The following FAM114A1 variants were observed in gnomAD, a reference collection of about 807,000 sequenced individuals.
FAM114A1 encodes family with sequence similarity 114 member A1.
FAM114A1 carries 62 observed loss-of-function variants against 64.3 expected under a neutral mutation model. The ratio of observed to expected loss-of-function variants is 0.96; its 90% CI spans 0.79 to 1.19. The LOEUF is 1.19. Among genes scored for constraint, FAM114A1 ranks in the 50% most tolerant of loss-of-function variants. The pLI is 0.00. For synonymous variants in FAM114A1, 254 were observed against 251.1 expected, an observed-to-expected ratio of 1.01 and a Z score of -0.11; for missense variants, 645 against 676.3, an observed-to-expected ratio of 0.95 and a Z score of 0.51.
chr4:38,906,585 C>A (rs193026652), intron 6 of FAM114A1, among the ~76,000 whole-genome samples: 1 of 152,158 alleles, frequency 6.6e-6, no homozygotes, highest in Non-Finnish European at 1.5e-5. Context: ...CCTAGGCTGG[C>A]GTGCAGTGGT....
chr4:38,932,202 A>G (rs1182950949), intron 11 of FAM114A1, 33 bp from the exon 12 acceptor site: 1 of 1,568,510 alleles, frequency 6.4e-7, no homozygotes, highest in South Asian at 1.2e-5. Flanking sequence ...TCTGCTCAGT[A>G]AAAAATTTCT....
At chr4:38,871,327 A>G (rs1039655150) in intron 2 of FAM114A1, among the ~76,000 whole-genome samples, 3 of 151,940 alleles carry the variant, frequency 2.0e-5, no homozygotes, top group Admixed American at 6.6e-5. Flanking sequence ...CCTGGCCTCA[A>G]GTGATCTGTC....
At chr4:38,939,398 G>A (rs1322078686) in intron 13 of FAM114A1, among the ~76,000 whole-genome samples, 1 of 152,184 alleles carries the variant, frequency 6.6e-6, no homozygotes, top group African/African-American at 2.4e-5. Context: ...GTTAATGAGT[G>A]TGTATTGCTC....
chr4:38,890,328 G>A (rs867491059), intron 3 of FAM114A1, among the ~76,000 whole-genome samples: 34 of 151,860 alleles, frequency 2.2e-4, no homozygotes, highest in South Asian at 4.2e-4. Flanking sequence ...GCGTGAACCC[G>A]GGAGGTGGAG....
intron 9 of FAM114A1, among the ~76,000 whole-genome samples, chr4:38,926,541 G>A (rs533164974): frequency 3.3e-4 from 49 of 149,782 alleles, no homozygotes; most frequent in East Asian, 6.0e-4. Context: ...TTCAACCTCC[G>A]CCCTCCCGGG....
chr4:38,941,590 C>T (rs879788137), intron 14 of FAM114A1, among the ~76,000 whole-genome samples: 1 of 152,196 alleles, frequency 6.6e-6, no homozygotes, highest in Non-Finnish European at 1.5e-5. Flanking sequence ...ACTGCTGTGT[C>T]TTTGCCAGAA....
intron 12 of FAM114A1, among the ~76,000 whole-genome samples, chr4:38,934,635 C>A (rs1342538879): frequency 6.6e-6 from 1 of 152,134 alleles, no homozygotes. Flanking sequence ...ACTAGGTAAT[C>A]AGATTGTTTT....
chr4:38,935,839 T>C (rs368998157), intron 13 of FAM114A1, 49 bp downstream of exon 13: 4 of 1,343,856 alleles, frequency 3.0e-6, no homozygotes, highest in Non-Finnish European at 4.2e-6. Flanking sequence ...GGGAAGTATG[T>C]CTGTGAGGAA....
At position 38,909,508 on chromosome 4, in the gene FAM114A1, T is replaced by G. The variant is rs370555784; in HGVS notation, c.792+782T>G. ...TAAAACAAAGAATTCAATCTGTCTT[T>G]GCTTACTTACAATAGTTAAGAAAAT... On this transcript the variant is annotated intron_variant, in intron 7 of 14. Transcript: ENST00000358869. 1.6e-4 allele frequency among the ~76,000 whole-genome samples: 25 copies of G among 152,336 alleles called. No homozygotes were observed. In the East Asian group the frequency reaches 4.8e-3, roughly 29 times the overall value.
rs556111717 is a variant in FAM114A1, at chr4:38,921,517, C to A, written c.946-1253C>A. On this transcript the variant is annotated intron_variant, in intron 8 of 14. Coordinates refer to ENST00000358869, the MANE Select transcript of FAM114A1 (RefSeq NM_138389.4). ...GCTCAAGTGATCCTCCCGCCTCAGC[C>A]TCCCAAAATGCTGGGATTACAGGGG... Among the ~76,000 whole-genome samples, 6 of 152,340 alleles carry A rather than the reference C, an allele frequency of 3.9e-5. No homozygotes were observed. The East Asian group carries it at 1.2e-3, about 29-fold the overall frequency.
Position 38,891,756 on chromosome 4 carries a change from C to T in FAM114A1, c.362C>T (p.Pro121Leu). The T allele has an allele frequency of 6.2e-7, 1 of 1,609,566 alleles. No homozygotes were observed. The highest frequency in any genetic ancestry group is 8.5e-7 in the Non-Finnish European group (1 of 1,178,054). The change falls in exon 4 of 15, where the codon CCT (proline) becomes CTT (leucine). Residue 121 changes from proline to leucine, a missense_variant. Coordinates refer to ENST00000358869, the MANE Select transcript of FAM114A1 (RefSeq NM_138389.4). ...QEQNYLAVDSPPSGGGWAGWG... is the reference protein window; with the variant it reads ...QEQNYLAVDSLPSGGGWAGWG... The stretch of plus-strand genomic sequence containing the variant: ...GTTTTTCTCCAGGCTGTGGATTCCC[C>T]TCCAAGTGGAGGAGGATGGGCAGGC...
chr4:38,934,148 G>T (rs545036192), intron 12 of FAM114A1, among the ~76,000 whole-genome samples: 1 of 152,262 alleles, frequency 6.6e-6, no homozygotes, highest in Admixed American at 6.5e-5. Context: ...CTAGGTACTG[G>T]TTTATCTTTG....
At chr4:38,870,206 C>T (rs1389336435) in intron 2 of FAM114A1, among the ~76,000 whole-genome samples, 1 of 152,200 alleles carries the variant, frequency 6.6e-6, no homozygotes, top group African/African-American at 2.4e-5. Context: ...CATGTCCTGG[C>T]CTCTCAGACA....
At chr4:38,910,850 T>C (rs1262407783) in intron 7 of FAM114A1, among the ~76,000 whole-genome samples, 1 of 152,078 alleles carries the variant, frequency 6.6e-6, no homozygotes, top group Non-Finnish European at 1.5e-5. Flanking sequence ...GAGGAGGACA[T>C]CAGAGTGGTG....
In FAM114A1 at chr4:38,944,569, G is replaced by T. The variant is rs953940025; in HGVS notation, c.*1012G>T. ...TAGGAACCAGGCCACACAGCAGGGG[G>T]TGAGCGGTGGGTGAGTGAGCACAGC... On this transcript the variant is annotated 3_prime_UTR_variant, in exon 15 of 15. Transcript: ENST00000358869. The T allele has an allele frequency of 2.6e-5, 4 of 152,416 alleles. No individual in the cohort carries two copies. The highest frequency in any genetic ancestry group is 7.2e-5 in the African/African-American group (3 of 41,560). The allele number at this position is 152,416 out of a possible 1,614,324, so 9.4% of individuals were successfully genotyped here. A position where few individuals can be genotyped will look rare whatever the true frequency, so the allele number is the denominator to read the frequency against.
chr4:38,908,657 C>T lies in FAM114A1; in HGVS notation c.723C>T (p.Val241=). Residue 241 remains valine, a synonymous_variant, in exon 7 of 15, where the codon GTC becomes GTT. Coordinates refer to ENST00000358869, the MANE Select transcript of FAM114A1 (RefSeq NM_138389.4). ...TCATCGGCAAGAAAACCATGAATGT[C>T]CTTGCAGAAAGTGACCCGGGCTTTA... is the stretch of plus-strand genomic sequence containing the variant. The part of the protein sequence containing the change: ...LEFIGKKTMN[V]LAESDPGFKR... 6.2e-7 allele frequency: 1 copy of T among 1,613,488 alleles called. No homozygotes were observed. The highest frequency in any genetic ancestry group is 8.5e-7 in the Non-Finnish European group (1 of 1,179,550).
chr4:38,918,817 C>T (rs527483056), intron 8 of FAM114A1, among the ~76,000 whole-genome samples: 2 of 152,096 alleles, frequency 1.3e-5, no homozygotes, highest in African/African-American at 4.8e-5. Context: ...AAATTAGAGC[C>T]AGGCATGGTG....
intron 9 of FAM114A1, among the ~76,000 whole-genome samples, chr4:38,927,052 C>T (rs1444069716): frequency 6.6e-6 from 1 of 152,202 alleles, no homozygotes; most frequent in Admixed American, 6.5e-5. Context: ...GCCACGCTGA[C>T]GTCCTTGCTG....
In FAM114A1 at chr4:38,940,968, A is replaced by G; in HGVS notation, c.1537A>G (p.Ser513Gly). The stretch of plus-strand genomic sequence containing the variant: ...CAATTTCATACTTCTGATTCCACAG[A>G]GCAACAAGAAGGCCGAGGTCCTTAA... Reference protein sequence around the residue: ...KFTNSLTTVGSNKKAEVLNPM... With the variant: ...KFTNSLTTVGGNKKAEVLNPM... The change falls in exon 14 of 15, where the codon AGC (serine) becomes GGC (glycine). Residue 513 changes from serine to glycine, a missense_variant and splice_region_variant. Ser to Gly is a moderately conservative substitution (Grantham distance 56). Coordinates refer to ENST00000358869, the MANE Select transcript of FAM114A1 (RefSeq NM_138389.4). 6.2e-7 allele frequency: 1 copy of G among 1,614,146 alleles called. No homozygotes were observed. The highest frequency in any genetic ancestry group is 8.5e-7 in the Non-Finnish European group (1 of 1,179,986).
Sources: gnomAD v4.1 joint callset for allele counts (sites outside exome capture counted in the v4.1 genomes callset) on GRCh38, gnomAD v4.1.1 for gene constraint, MANE v1.5 for transcripts, NCBI Gene and HGNC (gene_info 2026-07-23, HGNC 2026-07-21) for gene names.